Variants in AGBL1 observed in about 807,000 individuals in gnomAD.
AGBL1 encodes the protein AGBL carboxypeptidase 1, also known as cytosolic carboxypeptidase 4.
Under a neutral mutation model 118.9 loss-of-function variants are expected in AGBL1, and 130 were observed. That is an observed-to-expected ratio of 1.09 (90% CI 0.95 to 1.26). AGBL1 has a LOEUF of 1.26. Ranked by LOEUF, AGBL1 falls within the 50% of genes most tolerant of loss-of-function variation. The pLI is 0.00. For missense variants in AGBL1, 1,584 were observed against 1,298.1 expected (o/e 1.22, Z -3.38); for synonymous variants, 555 against 478.9 (o/e 1.16, Z -2.08).
At chr15:86,533,781 C>G (rs2083382884) in intron 19 of AGBL1, among the ~76,000 whole-genome samples, 1 of 115,188 alleles carries the variant, frequency 8.7e-6, no homozygotes, top group East Asian at 2.4e-4. Flanking sequence ...ACTAGGCAGC[C>G]ATAAAAAATG....
At chr15:86,736,247 G>A (rs1201224077) in intron 22 of AGBL1, among the ~76,000 whole-genome samples, 1 of 152,040 alleles carries the variant, frequency 6.6e-6, no homozygotes, top group Non-Finnish European at 1.5e-5. Flanking sequence ...GGGTGCGGTG[G>A]TGCATGCCTG....
At chr15:86,402,473 C>A (rs2081463325) in intron 18 of AGBL1, among the ~76,000 whole-genome samples, 1 of 152,084 alleles carries the variant, frequency 6.6e-6, no homozygotes, top group Non-Finnish European at 1.5e-5. Context: ...GTGGCTAGGA[C>A]TTCAAGTACT....
intron 5 of AGBL1, among the ~76,000 whole-genome samples, chr15:86,187,965 A>T (rs1052646962): frequency 6.6e-6 from 1 of 152,230 alleles, no homozygotes; most frequent in Admixed American, 6.5e-5. Flanking sequence ...AGGCATTTCT[A>T]ATAGATACAG....
At chr15:86,128,654 G>A (rs941674981) in intron 1 of AGBL1, among the ~76,000 whole-genome samples, 1 of 152,052 alleles carries the variant, frequency 6.6e-6, no homozygotes, top group Non-Finnish European at 1.5e-5. Flanking sequence ...ATTAATGGAG[G>A]CAAGAAGTTT....
At chr15:86,946,740 G>T (rs562356827) in intron 23 of AGBL1, among the ~76,000 whole-genome samples, 1 of 151,504 alleles carries the variant, frequency 6.6e-6, no homozygotes, top group South Asian at 2.1e-4. Context: ...TCAGCTACTC[G>T]GGAGGCTGAG....
intron 21 of AGBL1, among the ~76,000 whole-genome samples, chr15:86,614,153 G>A (rs866344624): frequency 2.0e-5 from 3 of 152,062 alleles, no homozygotes; most frequent in Admixed American, 6.6e-5. Flanking sequence ...CCAGGCACTG[G>A]GAATAAAACA....
At chr15:86,764,205 A>C (rs2078065463) in intron 22 of AGBL1, among the ~76,000 whole-genome samples, 1 of 152,016 alleles carries the variant, frequency 6.6e-6, no homozygotes, top group Admixed American at 6.6e-5. Flanking sequence ...TTCCAGAAAC[A>C]AACCAGGGAT....
intron 1 of AGBL1, among the ~76,000 whole-genome samples, chr15:86,101,268 G>A (rs1010749000): frequency 2.6e-5 from 4 of 151,952 alleles, no homozygotes; most frequent in African/African-American, 4.8e-5. Context: ...TCTTGTTGTC[G>A]TCCTAACATT....
chr15:86,917,228 C>T (rs535191768), downstream of AGBL1, among the ~76,000 whole-genome samples: 1 of 152,172 alleles, frequency 6.6e-6, no homozygotes, highest in South Asian at 2.1e-4. This position sits in a 1 kb window ranked among gnomAD's most constrained non-coding sequence, Gnocchi z 4.8. Context: ...GCAGTTGGTC[C>T]ACCCACTCCT....
intron 22 of AGBL1, among the ~76,000 whole-genome samples, chr15:86,709,662 C>T (rs544871568): frequency 1.3e-5 from 2 of 152,212 alleles, no homozygotes; most frequent in South Asian, 4.1e-4. Context: ...ATAACATCAA[C>T]AAGGAATTGT....
At chr15:86,670,634 C>CTGTG (rs575413341) in intron 21 of AGBL1, among the ~76,000 whole-genome samples, 781 of 34,640 alleles carry the variant, frequency 0.023, 9 homozygotes, top group African/African-American at 0.041. Context: ...CACAAACACG[C>CTGTG]TGTGTGTGTG....
At chr15:86,456,169 A>G (rs867162308) in intron 18 of AGBL1, among the ~76,000 whole-genome samples, 2 of 152,186 alleles carry the variant, frequency 1.3e-5, no homozygotes, top group African/African-American at 2.4e-5. Context: ...ACAACAAGCA[A>G]AACAATGGCA....
intron 24 of AGBL1, among the ~76,000 whole-genome samples, chr15:87,023,463 G>A (rs906926382): frequency 1.6e-4 from 25 of 151,990 alleles, no homozygotes; most frequent in Non-Finnish European, 2.6e-4. Context: ...CCTAACACTG[G>A]AGCTCCCAAA....
intron 6 of AGBL1, among the ~76,000 whole-genome samples, chr15:86,230,339 G>C (rs749482323): frequency 4.6e-5 from 7 of 152,190 alleles, no homozygotes; most frequent in African/African-American, 7.2e-5. Context: ...GGCCATCTTT[G>C]ATATGCACCC....
chr15:86,315,929 C>G (rs572292957), intron 17 of AGBL1, among the ~76,000 whole-genome samples: 2 of 152,278 alleles, frequency 1.3e-5, no homozygotes, highest in South Asian at 4.1e-4. Flanking sequence ...GCAAGCATTA[C>G]AAAACATCCT....
chr15:86,972,150 T>A (rs1156634053), intron 23 of AGBL1, among the ~76,000 whole-genome samples: 55 of 152,026 alleles, frequency 3.6e-4, no homozygotes, highest in Non-Finnish European at 2.9e-5. Context: ...TTACCCTGGA[T>A]AAGACCTCAG....
chr15:86,604,691 T>C (rs959347984), intron 21 of AGBL1, among the ~76,000 whole-genome samples: 2 of 152,168 alleles, frequency 1.3e-5, no homozygotes, highest in Non-Finnish European at 1.5e-5. Context: ...AGTAGTTGGA[T>C]AGGCAGGTGA....
At chr15:86,725,987 T>TA (rs2086812376) in intron 22 of AGBL1, among the ~76,000 whole-genome samples, 1 of 143,040 alleles carries the variant, frequency 7.0e-6, no homozygotes, top group African/African-American at 2.8e-5. Context: ...AACAGTATGG[T>TA]CAAAAAAAAG....
chr15:87,026,214 C>A (rs903091881), intron 24 of AGBL1, among the ~76,000 whole-genome samples: 1 of 151,912 alleles, frequency 6.6e-6, no homozygotes, highest in African/African-American at 2.4e-5. Context: ...GCAGAGTAAA[C>A]AGACAACCCA....
Sources: gnomAD v4.1 joint callset for allele counts (sites outside exome capture counted in the v4.1 genomes callset) on GRCh38, gnomAD v4.1.1 for gene constraint, Gnocchi (gnomAD v3.1) non-coding constraint, MANE v1.5 for transcripts, NCBI Gene and HGNC (gene_info 2026-07-23, HGNC 2026-07-21) for gene names.